ARAP1: variants seen among roughly 807,000 people sequenced by gnomAD.
ARAP1 encodes arf-GAP with Rho-GAP domain, ANK repeat and PH domain-containing protein 1.
In ARAP1, 76 loss-of-function variants were observed where a neutral mutation model predicts 172.2. The observed-to-expected ratio is 0.44, with a 90% CI of 0.37 to 0.53. ARAP1 has a LOEUF of 0.53. Ranked by LOEUF, ARAP1 falls within the 20% of genes least tolerant of loss-of-function variation. ARAP1 has a pLI of 0.00. For synonymous variants in ARAP1, 804 were observed against 803.3 expected (o/e 1.00, Z -0.01); for missense variants, 1,686 against 1,977.5 (o/e 0.85, Z 2.80).
rs367572263 is a variant in ARAP1 at position 72,699,163 on chromosome 11, C to G, written c.2439-56G>C. Reference sequence around the variant, plus strand: ...ACCTCATCCAGCACGGGCCCACCCCCAACCCGCACCATCAACCGCCATCCT... The same window carrying G: ...ACCTCATCCAGCACGGGCCCACCCCGAACCCGCACCATCAACCGCCATCCT... On this transcript the variant is annotated intron_variant, in intron 17 of 34. Transcript: ENST00000393609. The surrounding 1 kb of genome is among the most constrained non-coding windows in gnomAD (Gnocchi z 4.2). The G allele has an allele frequency of 6.4e-7, 1 of 1,571,204 alleles. No individual in the cohort carries two copies.
Position 72,697,496 on chromosome 11 carries a change from G to C in ARAP1, c.2790-10C>G, listed in dbSNP as rs777634620. On this transcript the variant is annotated splice_polypyrimidine_tract_variant and intron_variant, in intron 20 of 34. Coordinates refer to ENST00000393609, the MANE Select transcript of ARAP1 (RefSeq NM_001040118.3). ...CTGTATGTACAGTGTCCTGGGCCAGGGACAGTCAGTCACTGAGGGGCCTAC... is the reference window on the plus strand; with the variant it reads ...CTGTATGTACAGTGTCCTGGGCCAGCGACAGTCAGTCACTGAGGGGCCTAC... The C allele has an allele frequency of 6.8e-6, 11 of 1,612,398 alleles. No individual in the cohort carries two copies. The South Asian group carries it at 1.1e-4, about 16-fold the overall frequency.
At position 72,695,698 on chromosome 11, in the gene ARAP1, C is replaced by T; in HGVS notation, c.3420+20G>A. On this transcript the variant is annotated intron_variant, in intron 24 of 34. Transcript: ENST00000393609. This position sits in a 1 kb window ranked among gnomAD's most constrained non-coding sequence, Gnocchi z 4.4. ...CAAGGATCACCCCTGCCCTCCACTG[C>T]CCACTGGCCAGGGACGCACACTAAA... 1 of 1,614,064 alleles carries T rather than the reference C, an allele frequency of 6.2e-7. No individual in the cohort carries two copies. Among genetic ancestry groups the T allele is most frequent in the Non-Finnish European group, 8.5e-7 (1 of 1,179,958 alleles).
intron 27 of ARAP1, 151 bp downstream of exon 27, chr11:72,694,829 C>T (rs1248741889): frequency 4.5e-6 from 3 of 672,738 alleles, no homozygotes; most frequent in South Asian, 1.9e-5. Flanking sequence ...CACCCTATCA[C>T]CACCATCACA....
At position 72,699,191 on chromosome 11, in the gene ARAP1, G is replaced by A; in HGVS notation, c.2439-84C>T. 6.7e-7 allele frequency: 1 copy of A among 1,486,862 alleles called. No homozygotes were observed. Among genetic ancestry groups the A allele is most frequent in the Non-Finnish European group, 9.3e-7 (1 of 1,071,960 alleles). 92.1% of individuals were successfully genotyped at this position (1,486,862 alleles called of 1,614,324 possible). A position where few individuals can be genotyped will look rare whatever the true frequency, so the allele number is the denominator to read the frequency against. ...CCCGCACCATCAACCGCCATCCTCTGCCCCCTCCGCACTGCCTTGGCGCTT... is the reference window on the plus strand; with the variant it reads ...CCCGCACCATCAACCGCCATCCTCTACCCCCTCCGCACTGCCTTGGCGCTT... On this transcript the variant is annotated intron_variant, in intron 17 of 34. Coordinates refer to ENST00000393609, the MANE Select transcript of ARAP1 (RefSeq NM_001040118.3). The surrounding 1 kb of genome is among the most constrained non-coding windows in gnomAD (Gnocchi z 4.2).
At position 72,699,128 on chromosome 11, in the gene ARAP1, A is replaced by C. The variant is rs1398085171; in HGVS notation, c.2439-21T>G. The C allele has an allele frequency of 1.2e-6, 2 of 1,612,570 alleles. No homozygotes were observed. Among genetic ancestry groups the C allele is most frequent in the South Asian group, 1.1e-5 (1 of 91,054 alleles). On this transcript the variant is annotated intron_variant, in intron 17 of 34. Coordinates refer to ENST00000393609, the MANE Select transcript of ARAP1 (RefSeq NM_001040118.3). The surrounding 1 kb of genome is among the most constrained non-coding windows in gnomAD (Gnocchi z 4.2). Reference sequence around the variant, plus strand: ...CAAAGCTGCAAATACACAGGCCAGGACTCAGGCCCACCTCATCCAGCACGG... The same window carrying C: ...CAAAGCTGCAAATACACAGGCCAGGCCTCAGGCCCACCTCATCCAGCACGG...
chr11:72,702,995 C>A lies in ARAP1; in HGVS notation c.2077G>T (p.Gly693Trp). The change falls in exon 15 of 35, where the codon GGG becomes TGG. Residue 693 changes from glycine (G) to tryptophan (W), a missense_variant. Gly to Trp is a radical substitution (Grantham distance 184, BLOSUM62 -2). Transcript: ENST00000393609. Reference protein sequence around the residue: ...GCGAGINCFSGDPEAPTPLAL... With the variant: ...GCGAGINCFSWDPEAPTPLAL... ...AGGGGCGTGGGGGCCTCAGGGTCCC[C>A]CGAGAAGCAGTTGATCCCAGCCCCA... 6.3e-7 allele frequency: 1 copy of A among 1,575,122 alleles called. No individual in the cohort carries two copies. Among genetic ancestry groups the A allele is most frequent in the East Asian group, 2.3e-5 (1 of 42,884 alleles).
intron 5 of ARAP1, 60 bp downstream of exon 5, chr11:72,713,116 C>A (rs1857106025): frequency 1.7e-5 from 27 of 1,558,540 alleles, no homozygotes; most frequent in Non-Finnish European, 2.1e-5. Context: ...CAGGGTCTGA[C>A]AGGCAGCTGG....
At chr11:72,689,151 C>A (rs1049842610) in intron 30 of ARAP1, among the ~76,000 whole-genome samples, 1 of 152,164 alleles carries the variant, frequency 6.6e-6, no homozygotes, top group African/African-American at 2.4e-5. Flanking sequence ...GAAGAACTTC[C>A]CAATGGTCTA....
Position 72,696,539 on chromosome 11 carries a change from C to T in ARAP1, c.3272+10G>A, listed in dbSNP as rs1195814689. 22 of 1,509,908 alleles carry T rather than the reference C, an allele frequency of 1.5e-5. No individual in the cohort carries two copies. The highest frequency in any genetic ancestry group is 2.2e-5 in the Admixed American group (1 of 44,820). 93.5% of individuals were successfully genotyped at this position (1,509,908 alleles called of 1,614,324 possible). A position where few individuals can be genotyped will look rare whatever the true frequency, so the allele number is the denominator to read the frequency against. On this transcript the variant is annotated intron_variant, in intron 23 of 34. Coordinates refer to ENST00000393609, the MANE Select transcript of ARAP1 (RefSeq NM_001040118.3). ...TCCCCCCAGAATCTCACAATGGTAT[C>T]GTCCCTCACCAGTACAGGTGGCTGA...
intron 15 of ARAP1, 76 bp downstream of exon 15, chr11:72,702,829 C>G (rs140649672): frequency 6.6e-7 from 1 of 1,512,242 alleles, no homozygotes; most frequent in East Asian, 2.5e-5. Context: ...GCGATCACGG[C>G]CTGAGAGCAG....
At chr11:72,686,768 C>T (rs1324088859) in intron 33 of ARAP1, among the ~76,000 whole-genome samples, 1 of 152,188 alleles carries the variant, frequency 6.6e-6, no homozygotes, top group Admixed American at 6.5e-5. Context: ...TGGGTTCTAC[C>T]CTCGGTCCCA....
chr11:72,685,302 C>A lies in ARAP1; in HGVS notation c.*362G>T. On this transcript the variant is annotated 3_prime_UTR_variant, in exon 35 of 35. Transcript: ENST00000393609. Reference sequence around the variant, plus strand: ...GGAGTTTGTTGGGAGGAGCAGGGGGCTCCCTTCCGGCAGGGCCCCAGGGCC... The same window carrying A: ...GGAGTTTGTTGGGAGGAGCAGGGGGATCCCTTCCGGCAGGGCCCCAGGGCC... The A allele has an allele frequency of 3.1e-6, 1 of 317,888 alleles. No individual in the cohort carries two copies. The highest frequency in any genetic ancestry group is 5.9e-6 in the Non-Finnish European group (1 of 168,098). 19.7% of individuals were successfully genotyped at this position (317,888 alleles called of 1,614,324 possible). A position where few individuals can be genotyped will look rare whatever the true frequency, so the allele number is the denominator to read the frequency against.
Position 72,726,963 on chromosome 11 carries a change from G to A in ARAP1, c.166C>T (p.His56Tyr), listed in dbSNP as rs1857711657. ...LMDMGMLLPG[H>Y]RRRILAGLLR... ...AGGCCAGCCAGGATGCGGCGGCGGT[G>A]ACCAGGGAGTAGCATGCCCATGTCC... Residue 56 changes from histidine to tyrosine, a missense_variant, in exon 3 of 35, where the codon CAC (histidine) becomes TAC (tyrosine). By Grantham distance (83) the His-to-Tyr change is moderately conservative. Transcript: ENST00000393609. The surrounding 1 kb of genome is among the most constrained non-coding windows in gnomAD (Gnocchi z 6.5). The A allele has an allele frequency of 6.2e-7, 1 of 1,601,494 alleles. No individual in the cohort carries two copies. The highest frequency in any genetic ancestry group is 8.5e-7 in the Non-Finnish European group (1 of 1,174,560).
chr11:72,688,347 C>T, intron 31 of ARAP1, 108 bp downstream of exon 31: 2 of 954,006 alleles, frequency 2.1e-6, no homozygotes, highest in Non-Finnish European at 1.6e-6. Context: ...ACCATCAGAG[C>T]CCCTGCACCT....
Position 72,711,149 on chromosome 11 carries a change from A to T in ARAP1, c.1093-8T>A. 6.2e-7 allele frequency: 1 copy of T among 1,613,884 alleles called. No individual in the cohort carries two copies. The highest frequency in any genetic ancestry group is 8.5e-7 in the Non-Finnish European group (1 of 1,179,934). ...GCGCTTAGAGTAAGCGTCCTGGGGG[A>T]GAGACAGGAACTATATTTTGGGACC... On this transcript the variant is annotated splice_polypyrimidine_tract_variant and splice_region_variant and intron_variant, in intron 8 of 34. Coordinates refer to ENST00000393609, the MANE Select transcript of ARAP1 (RefSeq NM_001040118.3).
chr11:72,697,550 C>G, intron 20 of ARAP1, 48 bp downstream of exon 20: 1 of 1,613,294 alleles, frequency 6.2e-7, no homozygotes, highest in South Asian at 1.1e-5. Context: ...CCAGGCCCAT[C>G]AGACTGCTCC....
chr11:72,749,870 C>CAA (rs1335693964), intron 1 of ARAP1, among the ~76,000 whole-genome samples: 1 of 123,316 alleles, frequency 8.1e-6, no homozygotes, highest in Non-Finnish European at 1.8e-5. Flanking sequence ...GACTCCGTCT[C>CAA]AAAAAAAAAA....
Position 72,693,193 on chromosome 11 carries a change from T to C in ARAP1, c.3954+132A>G. On this transcript the variant is annotated intron_variant, in intron 29 of 34. Transcript: ENST00000393609. This position sits in a 1 kb window ranked among gnomAD's most constrained non-coding sequence, Gnocchi z 4.6. ...CAGGAGGGGTCTTGAGAGTCTACAG[T>C]TCTCCCCCACTGCTGTGCCATCCTG... 2.2e-6 allele frequency: 3 copies of C among 1,347,602 alleles called. No homozygotes were observed. The highest frequency in any genetic ancestry group is 2.4e-5 in the East Asian group (1 of 41,040). The allele number at this position is 1,347,602 out of a possible 1,614,324, so 83.5% of individuals were successfully genotyped here. A position where few individuals can be genotyped will look rare whatever the true frequency, so the allele number is the denominator to read the frequency against.
chr11:72,685,928 G>T (rs550477009), intron 34 of ARAP1, 114 bp downstream of exon 34: 1 of 1,581,426 alleles, frequency 6.3e-7, no homozygotes, highest in South Asian at 1.1e-5. Flanking sequence ...CTGGAGGGAG[G>T]GGGCCGGAGG....
Sources: allele counts gnomAD v4.1 joint callset (sites outside exome capture counted in the v4.1 genomes callset), GRCh38; gene constraint gnomAD v4.1.1; non-coding constraint Gnocchi (gnomAD v3.1); transcripts MANE v1.5; gene names NCBI Gene and HGNC (gene_info 2026-07-23, HGNC 2026-07-21).